SV2C: variants seen among roughly 807,000 people sequenced by gnomAD.
SV2C encodes the protein solute carrier family 22 member B3.
Under a neutral mutation model 79.7 loss-of-function variants are expected in SV2C, and 49 were observed. The observed-to-expected ratio is 0.61, with a 90% CI of 0.49 to 0.78. The LOEUF (loss-of-function observed/expected upper bound fraction) is 0.78, where lower values mean the gene tolerates loss of function less well. SV2C is among the 30% of genes least tolerant of loss of function. SV2C has a pLI of 0.00. For missense variants in SV2C, 833 were observed against 912.9 expected, an observed-to-expected ratio of 0.91 and a Z score of 1.13; for synonymous variants, 334 against 333.2, an observed-to-expected ratio of 1.00 and a Z score of -0.03.
At chr5:75,952,468 G>T in the SV2C span, among the ~76,000 whole-genome samples, 1,075 of 151,858 alleles carry the variant, frequency 7.1e-3, 19 homozygotes, top group African/African-American at 0.023. Context: ...CCAAATCTCA[G>T]GTTGAAATGT....
At chr5:75,989,616 T>C in the SV2C span, among the ~76,000 whole-genome samples, 1 of 151,936 alleles carries the variant, frequency 6.6e-6, no homozygotes, top group African/African-American at 2.4e-5. Context: ...GTCTTTATAG[T>C]AGAATGATTT....
rs191350880 is a variant in SV2C, at chr5:76,249,088, C to T, written c.914-36074C>T. Among the ~76,000 whole-genome samples the T allele has an allele frequency of 3.3e-5, 5 of 152,092 alleles. No homozygotes were observed. The East Asian group carries it at 9.7e-4, about 29-fold the overall frequency. ...TAAAAATATTTATATCCTTAATAAA[C>T]CTGGAAGAAAAGTAAAATTCTAGAT... On this transcript the variant is annotated intron_variant, in intron 4 of 12. Coordinates refer to ENST00000502798, the MANE Select transcript of SV2C (RefSeq NM_014979.4).
chr5:75,939,814 A>C, the SV2C span, among the ~76,000 whole-genome samples: 15 of 152,246 alleles, frequency 9.9e-5, no homozygotes, highest in African/African-American at 3.4e-4. Context: ...TGTTTATTAC[A>C]GTCCCTGTGC....
chr5:76,226,125 TC>T (rs2112388496), intron 4 of SV2C, among the ~76,000 whole-genome samples: 1 of 152,318 alleles, frequency 6.6e-6, no homozygotes, highest in South Asian at 2.1e-4. Context: ...TCCACTCTGT[TC>T]TTTAACCTAC....
the SV2C span, among the ~76,000 whole-genome samples, chr5:75,929,016 T>C: frequency 6.6e-6 from 1 of 152,156 alleles, no homozygotes; most frequent in Non-Finnish European, 1.5e-5. Context: ...TGACCTTATC[T>C]CTGCCATTTT....
intron 12 of SV2C, among the ~76,000 whole-genome samples, chr5:76,314,978 T>A (rs1012219477): frequency 6.6e-6 from 1 of 152,182 alleles, no homozygotes; most frequent in African/African-American, 2.4e-5. Flanking sequence ...CGTTATTACC[T>A]TCCCAGAATA....
At chr5:75,953,075 AG>A in the SV2C span, among the ~76,000 whole-genome samples, 1 of 152,142 alleles carries the variant, frequency 6.6e-6, no homozygotes, top group South Asian at 2.1e-4. Context: ...TGGAAGACTT[AG>A]CATCTGGCGA....
chr5:76,197,707 C>CAGATGATAGATAGATAGATAGATAGAT (rs1554039522), intron 3 of SV2C, among the ~76,000 whole-genome samples: 4 of 145,494 alleles, frequency 2.7e-5, no homozygotes, highest in African/African-American at 1.0e-4. Context: ...GATAGACAGG[C>CAGATGATAGATAGATAGATAGATAGAT]AGATAGATAG....
intron 2 of SV2C, among the ~76,000 whole-genome samples, chr5:76,153,013 AC>A (rs1256480776): frequency 6.6e-6 from 1 of 152,164 alleles, no homozygotes; most frequent in Non-Finnish European, 1.5e-5. Flanking sequence ...GGAGTGGCAC[AC>A]CCTGGATGGA....
At chr5:75,985,091 G>T in the SV2C span, among the ~76,000 whole-genome samples, 2 of 151,864 alleles carry the variant, frequency 1.3e-5, no homozygotes, top group Non-Finnish European at 2.9e-5. Flanking sequence ...ATCTGGTGAG[G>T]GTCTCCGGCT....
the SV2C span, among the ~76,000 whole-genome samples, chr5:76,003,925 G>T: frequency 6.6e-6 from 1 of 151,988 alleles, no homozygotes; most frequent in Non-Finnish European, 1.5e-5. Context: ...AAATGCACAG[G>T]CTCCAGAGAG....
the SV2C span, among the ~76,000 whole-genome samples, chr5:75,882,789 T>TAAAAA: frequency 9.0e-3 from 1,288 of 142,494 alleles, 29 homozygotes; most frequent in African/African-American, 0.03. Context: ...CCTAAAACCA[T>TAAAAA]AAAAAAAAAA....
At chr5:75,951,546 C>G in the SV2C span, among the ~76,000 whole-genome samples, 1 of 152,120 alleles carries the variant, frequency 6.6e-6, no homozygotes, top group South Asian at 2.1e-4. Context: ...GAACTCCAAT[C>G]CATGCTTCAA....
intron 1 of SV2C, among the ~76,000 whole-genome samples, chr5:76,100,287 A>T (rs1747696292): frequency 6.6e-6 from 1 of 152,194 alleles, no homozygotes; most frequent in Non-Finnish European, 1.5e-5. Context: ...CTAGCATCAA[A>T]TTCAACTTTT....
At chr5:76,123,281 C>T (rs1440343227) in intron 1 of SV2C, among the ~76,000 whole-genome samples, 1 of 152,090 alleles carries the variant, frequency 6.6e-6, no homozygotes, top group East Asian at 1.9e-4. Context: ...GATTCACAGC[C>T]GAATTCTACC....
At chr5:76,272,250 C>G (rs891810084) in intron 4 of SV2C, among the ~76,000 whole-genome samples, 5 of 152,170 alleles carry the variant, frequency 3.3e-5, no homozygotes, top group African/African-American at 9.7e-5. Context: ...TCTGTAATCT[C>G]TCCCCCTTGC....
the SV2C span, among the ~76,000 whole-genome samples, chr5:75,963,576 C>A: frequency 6.6e-6 from 1 of 151,866 alleles, no homozygotes; most frequent in Non-Finnish European, 1.5e-5. Context: ...CTTTTGGAAG[C>A]TTTTATATAT....
intron 1 of SV2C, among the ~76,000 whole-genome samples, chr5:76,090,716 C>G (rs1747347667): frequency 6.6e-6 from 1 of 152,194 alleles, no homozygotes; most frequent in East Asian, 1.9e-4. Flanking sequence ...ACACCAGCAG[C>G]TTGATTTCTA....
At chr5:75,959,461 C>T in the SV2C span, among the ~76,000 whole-genome samples, 8 of 151,930 alleles carry the variant, frequency 5.3e-5, no homozygotes, top group Non-Finnish European at 1.0e-4. Flanking sequence ...GTTCTTGTCT[C>T]TCTTTAATCT....
Sources: allele counts gnomAD v4.1 joint callset (sites outside exome capture counted in the v4.1 genomes callset), GRCh38; gene constraint gnomAD v4.1.1; transcripts MANE v1.5; gene names NCBI Gene and HGNC (gene_info 2026-07-23, HGNC 2026-07-21).